The following LARP1B variants were observed in gnomAD, a reference collection of about 807,000 sequenced individuals.
LARP1B encodes La ribonucleoprotein 1B.
LARP1B carries 76 observed loss-of-function variants against 114.2 expected under a neutral mutation model. The ratio of observed to expected loss-of-function variants is 0.67; its 90% CI spans 0.55 to 0.81. The LOEUF (loss-of-function observed/expected upper bound fraction) is 0.81, where lower values mean the gene tolerates loss of function less well. LARP1B is among the 30% of genes least tolerant of loss of function. The pLI, the probability that LARP1B is intolerant of heterozygous loss-of-function variation, is 0.00. For missense variants in LARP1B, 1,014 were observed against 1,075.8 expected, an observed-to-expected ratio of 0.94 and a Z score of 0.80; for synonymous variants, 345 against 348.0, an observed-to-expected ratio of 0.99 and a Z score of 0.10.
In LARP1B at chr4:128,162,222, A is replaced by C; in HGVS notation, c.1553A>C (p.Asn518Thr). 6.2e-7 allele frequency: 1 copy of C among 1,612,720 alleles called. No individual in the cohort carries two copies. Among genetic ancestry groups the C allele is most frequent in the Middle Eastern group, 1.7e-4 (1 of 6,056 alleles). Residue 518 changes from asparagine to threonine, a missense_variant, in exon 12 of 20, where the codon AAT becomes ACT. By Grantham distance (65) the Asn-to-Thr change is moderately conservative (BLOSUM62 0). Coordinates refer to ENST00000326639, the MANE Select transcript of LARP1B (RefSeq NM_018078.4). ...GAAGTTGAGAACTTTAAGAAGCTAA[A>C]TCTCATTAGTAAAGAGCAGTTTGAA... ...KQEVENFKKL[N>T]LISKEQFENL... is the part of the protein sequence containing the mutation.
At chr4:128,178,752 T>A in intron 14 of LARP1B, 110 bp downstream of exon 14, 1 of 855,916 alleles carries the variant, frequency 1.2e-6, no homozygotes, top group Non-Finnish European at 1.8e-6. Context: ...TAACTTGTAA[T>A]ATTTCACTTA....
chr4:128,107,874 T>C (rs1435652127), intron 9 of LARP1B: 3 of 1,535,768 alleles, frequency 2.0e-6, no homozygotes, highest in Non-Finnish European at 2.6e-6. Context: ...GTGCTTAAAC[T>C]TTTTTCAGTC....
intron 8 of LARP1B, among the ~76,000 whole-genome samples, chr4:128,106,151 G>A (rs866333172): frequency 2.0e-5 from 3 of 151,804 alleles, no homozygotes; most frequent in African/African-American, 7.3e-5. Flanking sequence ...TGCCTCCCAA[G>A]TAGCTGGGAT....
At chr4:128,098,747 G>GTGTGTGTGTGTGTATA in intron 8 of LARP1B, among the ~76,000 whole-genome samples, 1 of 15,586 alleles carries the variant, frequency 6.4e-5, no homozygotes, top group African/African-American at 1.9e-4. Context: ...ATATGTATGT[G>GTGTGTGTGTGTGTATA]TATATATATA....
At chr4:128,180,508 G>A (rs892221635) in intron 15 of LARP1B, among the ~76,000 whole-genome samples, 1 of 152,164 alleles carries the variant, frequency 6.6e-6, no homozygotes, top group Non-Finnish European at 1.5e-5. Flanking sequence ...GATAAAAAGT[G>A]TGTATGTTCT....
intron 5 of LARP1B, among the ~76,000 whole-genome samples, chr4:128,083,422 C>A (rs375029901): frequency 6.6e-6 from 1 of 150,936 alleles, no homozygotes; most frequent in Non-Finnish European, 1.5e-5. Context: ...ACCTCCCGGA[C>A]GGGGCGGCTG....
At chr4:128,118,979 C>T (rs1343186363) in intron 10 of LARP1B, among the ~76,000 whole-genome samples, 1 of 151,282 alleles carries the variant, frequency 6.6e-6, no homozygotes, top group African/African-American at 2.4e-5. Flanking sequence ...CTCCCAGGTT[C>T]AAGCAATTCT....
intron 15 of LARP1B, 62 bp from the exon 16 acceptor site, chr4:128,199,377 T>G: frequency 7.6e-7 from 1 of 1,309,438 alleles, no homozygotes; most frequent in Admixed American, 2.5e-5. Flanking sequence ...TAGTACAAAT[T>G]GGTTCATATA....
intron 10 of LARP1B, among the ~76,000 whole-genome samples, chr4:128,114,977 G>A (rs1359812308): frequency 6.6e-6 from 1 of 150,584 alleles, no homozygotes; most frequent in African/African-American, 2.5e-5. Context: ...TTGCCCTATT[G>A]CCCAGGCTGG....
chr4:128,188,905 G>A (rs1751271969), intron 15 of LARP1B, among the ~76,000 whole-genome samples: 2 of 152,272 alleles, frequency 1.3e-5, no homozygotes, highest in South Asian at 4.1e-4. Flanking sequence ...GACATGTTTT[G>A]TAGCCTAACA....
At chr4:128,098,502 G>A (rs546956865) in intron 8 of LARP1B, among the ~76,000 whole-genome samples, 172 bp downstream of exon 8, 1 of 151,554 alleles carries the variant, frequency 6.6e-6, no homozygotes, top group African/African-American at 2.4e-5. Flanking sequence ...GTCTAACCTT[G>A]GAAACCCCTG....
intron 11 of LARP1B, among the ~76,000 whole-genome samples, chr4:128,127,111 A>G (rs1268280568): frequency 2.0e-5 from 3 of 152,224 alleles, no homozygotes; most frequent in African/African-American, 7.2e-5. Flanking sequence ...GAAAATAACT[A>G]TCAACTGATA....
chr4:128,165,782 A>G (rs1740549518), intron 12 of LARP1B, among the ~76,000 whole-genome samples: 1 of 152,066 alleles, frequency 6.6e-6, no homozygotes, highest in Non-Finnish European at 1.5e-5. Flanking sequence ...GATCAAATTA[A>G]TCGCTCTGTC....
intron 9 of LARP1B, chr4:128,107,721 T>C: frequency 2.7e-6 from 4 of 1,460,852 alleles, no homozygotes; most frequent in Non-Finnish European, 3.6e-6. Flanking sequence ...TTTAATCTTG[T>C]CTTGGAAAGA....
chr4:128,107,299 T>C lies in LARP1B; in HGVS notation c.974T>C (p.Phe325Ser). 1.2e-6 allele frequency: 2 copies of C among 1,614,130 alleles called. No homozygotes were observed. The highest frequency in any genetic ancestry group is 1.7e-6 in the Non-Finnish European group (2 of 1,180,016). The change falls in exon 9 of 20, where the codon TTT becomes TCT. Residue 325 changes from phenylalanine to serine, a missense_variant. Transcript: ENST00000326639. ...CCAGAGTTTGTACCAGGCCAAGCCTTTTGCTCACATACAGGTAACATCTTT... is the reference window on the plus strand; with the variant it reads ...CCAGAGTTTGTACCAGGCCAAGCCTCTTGCTCACATACAGGTAACATCTTT... ...DCPEFVPGQA[F>S]CSHTESAPNS...
chr4:128,139,673 A>C (rs946731163), intron 11 of LARP1B, among the ~76,000 whole-genome samples: 1 of 151,494 alleles, frequency 6.6e-6, no homozygotes, highest in Non-Finnish European at 1.5e-5. Context: ...CACACACACA[A>C]AAGATTCAGT....
intron 11 of LARP1B, among the ~76,000 whole-genome samples, chr4:128,149,273 T>C (rs1731643681): frequency 6.6e-6 from 1 of 152,204 alleles, no homozygotes; most frequent in African/African-American, 2.4e-5. Context: ...TGGGACCAGA[T>C]TGCAAAGTGT....
At chr4:128,123,067 G>A (rs930012091) in intron 11 of LARP1B, 1 of 985,278 alleles carries the variant, frequency 1.0e-6, no homozygotes, top group Non-Finnish European at 1.2e-6. Context: ...AGAAAAGCTA[G>A]CCAATTAGTG....
chr4:128,072,024 G>C (rs1475724434), intron 1 of LARP1B, among the ~76,000 whole-genome samples: 1 of 98,386 alleles, frequency 1.0e-5, no homozygotes, highest in Non-Finnish European at 2.2e-5. Context: ...ATTTGAGATG[G>C]AGTCTCGCTC....
Sources: gnomAD v4.1 joint callset for allele counts (sites outside exome capture counted in the v4.1 genomes callset) on GRCh38, gnomAD v4.1.1 for gene constraint, MANE v1.5 for transcripts, NCBI Gene and HGNC (gene_info 2026-07-23, HGNC 2026-07-21) for gene names.